The following COL6A3 variants were observed in gnomAD, a reference collection of about 807,000 sequenced individuals.
The protein encoded by COL6A3 is collagen type VI alpha 3 chain.
Under a neutral mutation model 274.1 loss-of-function variants are expected in COL6A3, and 137 were observed. The ratio of observed to expected loss-of-function variants is 0.50; its 90% CI spans 0.44 to 0.58. The LOEUF (loss-of-function observed/expected upper bound fraction) is 0.58, where lower values mean the gene tolerates loss of function less well. COL6A3 is among the 20% of genes least tolerant of loss of function. COL6A3 has a pLI of 0.00. For synonymous variants in COL6A3, 1,650 were observed against 1,650.6 expected, an observed-to-expected ratio of 1.00 and a Z score of 0.01; for missense variants, 3,950 against 4,124.9, an observed-to-expected ratio of 0.96 and a Z score of 1.16.
intron 21 of COL6A3, among the ~76,000 whole-genome samples, 173 bp downstream of exon 21, chr2:237,358,348 A>G (rs2077362894): frequency 6.6e-6 from 1 of 152,240 alleles, no homozygotes; most frequent in African/African-American, 2.4e-5. Flanking sequence ...CTGGTTAGCA[A>G]GAGAACCAAC....
At chr2:237,341,235 A>G in intron 37 of COL6A3, 85 bp from the exon 38 acceptor site, 1 of 1,330,866 alleles carries the variant, frequency 7.5e-7, no homozygotes, top group South Asian at 1.2e-5. Context: ...GACTTGGGCG[A>G]TTAAAATGAT....
chr2:237,356,025 G>T (rs1219517054), intron 23 of COL6A3, among the ~76,000 whole-genome samples: 1 of 152,186 alleles, frequency 6.6e-6, no homozygotes, highest in Non-Finnish European at 1.5e-5. Context: ...TTTCAGCTTG[G>T]CCTGAGCCTG....
At chr2:237,350,481 G>A (rs905788916) in intron 27 of COL6A3, among the ~76,000 whole-genome samples, 6 of 152,198 alleles carry the variant, frequency 3.9e-5, no homozygotes, top group East Asian at 1.9e-4. Context: ...CACGGAAGGC[G>A]GTGGGCATTG....
Position 237,374,694 on chromosome 2 carries a change from G to T in COL6A3, c.3397C>A (p.Pro1133Thr). The T allele has an allele frequency of 6.2e-7, 1 of 1,613,754 alleles. No homozygotes were observed. Among genetic ancestry groups the T allele is most frequent in the Non-Finnish European group, 8.5e-7 (1 of 1,179,748 alleles). The change falls in exon 8 of 44, where the codon CCC becomes ACC. Residue 1133 changes from proline (P) to threonine (T), a missense_variant. Pro to Thr is a conservative substitution (Grantham distance 38). Transcript: ENST00000295550. The surrounding 1 kb of genome is among the most constrained non-coding windows in gnomAD (Gnocchi z 4.8). The part of the protein sequence containing the change: ...SAGSRITEGV[P>T]QLLIVLTADR... ...GCCGTGAGGACGATCAGCAGCTGGGGCACACCTTCTGTTATCCTGCTTCCC... is the reference window on the plus strand; with the variant it reads ...GCCGTGAGGACGATCAGCAGCTGGGTCACACCTTCTGTTATCCTGCTTCCC...
Position 237,365,721 on chromosome 2 carries a change from G to A in COL6A3, c.5815C>T (p.Gln1939Ter). The stretch of plus-strand genomic sequence containing the variant: ...ACCTTCACGCTGTCCGGCGAGGACT[G>A]TCTGAACTTGTTCAGGTAGACCTTC... ...TLKVYLNKFR[Q>*]SSPDSVKVVI... Residue 1939 changes from glutamine (Q) to a stop codon, truncating the protein, a stop_gained, in exon 12 of 44, where the codon CAG (glutamine) becomes TAG (stop). Coordinates refer to ENST00000295550, the MANE Select transcript of COL6A3 (RefSeq NM_004369.4). LOFTEE classifies it high-confidence loss of function. 1 of 1,614,210 alleles carries A rather than the reference G, an allele frequency of 6.2e-7. No homozygotes were observed. The highest frequency in any genetic ancestry group is 8.5e-7 in the Non-Finnish European group (1 of 1,180,036).
intron 23 of COL6A3, chr2:237,356,907 C>A: frequency 8.7e-6 from 2 of 229,158 alleles, no homozygotes; most frequent in African/African-American, 2.3e-5. Flanking sequence ...AAGAAGAAAT[C>A]TAGTTTTTTT....
intron 36 of COL6A3, 115 bp from the exon 37 acceptor site, chr2:237,342,276 G>C: frequency 6.3e-6 from 5 of 787,830 alleles, no homozygotes; most frequent in African/African-American, 1.7e-5. Flanking sequence ...CTTCCCAATA[G>C]GGCAGTATTG....
chr2:237,373,780 C>T (rs1307610831), intron 8 of COL6A3, among the ~76,000 whole-genome samples: 1 of 152,162 alleles, frequency 6.6e-6, no homozygotes, highest in Non-Finnish European at 1.5e-5. Flanking sequence ...TTTCCTCCTT[C>T]CTTCTCAGCA....
At position 237,364,048 on chromosome 2, in the gene COL6A3, T is replaced by A. The variant is rs759430809; in HGVS notation, c.5917+302A>T. On this transcript the variant is annotated intron_variant, in intron 13 of 43. Coordinates refer to ENST00000295550, the MANE Select transcript of COL6A3 (RefSeq NM_004369.4). The surrounding 1 kb of genome is among the most constrained non-coding windows in gnomAD (Gnocchi z 4.6). ...AGTAACTAATTCCTAGTTTATGTGA[T>A]GAAGTTAAATGAATCAATACGTCAT... 4.6e-5 allele frequency among the ~76,000 whole-genome samples: 7 copies of A among 152,228 alleles called. No individual in the cohort carries two copies. The highest frequency in any genetic ancestry group is 1.0e-4 in the Non-Finnish European group (7 of 68,048).
chr2:237,393,605 A>G (rs2078346831), intron 3 of COL6A3, among the ~76,000 whole-genome samples: 2 of 152,104 alleles, frequency 1.3e-5, no homozygotes, highest in South Asian at 4.1e-4. Flanking sequence ...ATTCTCTGCT[A>G]CCAACTATCA....
intron 7 of COL6A3, among the ~76,000 whole-genome samples, chr2:237,376,048 G>C (rs984596673): frequency 6.6e-6 from 1 of 152,176 alleles, no homozygotes; most frequent in African/African-American, 2.4e-5. Context: ...GCATTTTATC[G>C]ATGGGAGGTT....
Position 237,381,278 on chromosome 2 carries a change from C to G in COL6A3, c.1534G>C (p.Val512Leu). 6.2e-7 allele frequency: 1 copy of G among 1,614,254 alleles called. No individual in the cohort carries two copies. Among genetic ancestry groups the G allele is most frequent in the Non-Finnish European group, 8.5e-7 (1 of 1,180,054 alleles). ...HPTKREVITA[V>L]RKMKPLDGSA... Reference sequence around the variant, plus strand: ...CCGTCCAGGGGCTTCATTTTCCGCACAGCGGTTATGACTTCCCTTTTTGTT... The same window carrying G: ...CCGTCCAGGGGCTTCATTTTCCGCAGAGCGGTTATGACTTCCCTTTTTGTT... The change falls in exon 5 of 44, where the codon GTG (valine) becomes CTG (leucine). Residue 512 changes from valine to leucine, a missense_variant. Transcript: ENST00000295550.
chr2:237,331,977 A>T (rs1298149235), intron 42 of COL6A3, among the ~76,000 whole-genome samples: 1 of 146,926 alleles, frequency 6.8e-6, no homozygotes, highest in African/African-American at 2.5e-5. Context: ...TCACAGGTAG[A>T]CAGGCGATCT....
chr2:237,388,086 C>T lies in COL6A3; in HGVS notation c.808G>A (p.Glu270Lys). The change falls in exon 4 of 44, where the codon GAG becomes AAG. Residue 270 changes from glutamate to lysine, a missense_variant. This residue lies in a region of COL6A3 where 1,934 missense variants were observed against 1,984.3 expected (regional missense o/e 0.97). Coordinates refer to ENST00000295550, the MANE Select transcript of COL6A3 (RefSeq NM_004369.4). ...TGCTGAGTTCCAATTGGGAGTTTCT[C>T]AAGGAGATTTACAAGGAAGTCGAGA... is the stretch of plus-strand genomic sequence containing the variant. ...VILDFLVNLL[E>K]KLPIGTQQIR... The T allele has an allele frequency of 1.2e-6, 2 of 1,614,210 alleles. No homozygotes were observed. Among genetic ancestry groups the T allele is most frequent in the South Asian group, 1.1e-5 (1 of 91,078 alleles).
intron 40 of COL6A3, 117 bp from the exon 41 acceptor site, chr2:237,335,006 G>C: frequency 8.2e-7 from 1 of 1,223,402 alleles, no homozygotes; most frequent in South Asian, 1.3e-5. Flanking sequence ...TTGAAATTTA[G>C]CTGAGGCGGG....
At position 237,339,091 on chromosome 2, in the gene COL6A3, C is replaced by T; in HGVS notation, c.8491G>A (p.Asp2831Asn). 2 of 1,613,740 alleles carry T rather than the reference C, an allele frequency of 1.2e-6. No homozygotes were observed. Among genetic ancestry groups the T allele is most frequent in the Non-Finnish European group, 1.7e-6 (2 of 1,179,776 alleles). Residue 2831 changes from aspartate (D) to asparagine (N), a missense_variant, in exon 39 of 44, where the codon GAT becomes AAT. Asp to Asn is a conservative substitution (Grantham distance 23, BLOSUM62 1). Coordinates refer to ENST00000295550, the MANE Select transcript of COL6A3 (RefSeq NM_004369.4). ...SSENAFYLSP[D>N]IRKQCDWFQG... Reference sequence around the variant, plus strand: ...AACCAATCACACTGTTTCCTGATATCTGGGGACAAGTAAAAAGCATTTTCA... The same window carrying T: ...AACCAATCACACTGTTTCCTGATATTTGGGGACAAGTAAAAAGCATTTTCA...
rs992080501 is a variant in COL6A3, at chr2:237,413,484, C to T, written c.-31+469G>A. The stretch of plus-strand genomic sequence containing the variant: ...CATGGGCGGCCCTGGGCAGAAAACC[C>T]ATGCAGGTTGTTGCACCCTGACCTA... On this transcript the variant is annotated intron_variant, in intron 1 of 43. Transcript: ENST00000295550. The surrounding 1 kb of genome is among the most constrained non-coding windows in gnomAD (Gnocchi z 4.0). Among the ~76,000 whole-genome samples the T allele has an allele frequency of 2.6e-5, 4 of 152,198 alleles. No individual in the cohort carries two copies. Among genetic ancestry groups the T allele is most frequent in the Non-Finnish European group, 4.4e-5 (3 of 68,042 alleles).
intron 31 of COL6A3, 147 bp downstream of exon 31, chr2:237,347,660 T>G: frequency 1.2e-6 from 1 of 819,968 alleles, no homozygotes. Flanking sequence ...AGGACATTGG[T>G]CTGGGGCTCA....
intron 1 of COL6A3, among the ~76,000 whole-genome samples, chr2:237,410,568 G>A (rs1574787161): frequency 6.6e-6 from 1 of 152,050 alleles, no homozygotes; most frequent in African/African-American, 2.4e-5. Flanking sequence ...GCCTCCCAAA[G>A]TGCTGGGATT....
Sources: allele counts gnomAD v4.1 joint callset (sites outside exome capture counted in the v4.1 genomes callset), GRCh38; gene constraint gnomAD v4.1.1; regional missense constraint gnomAD v4.1.1; non-coding constraint Gnocchi (gnomAD v3.1); transcripts MANE v1.5; gene names NCBI Gene and HGNC (gene_info 2026-07-23, HGNC 2026-07-21).